The following KCNE1 variants were observed in gnomAD, a reference collection of about 807,000 sequenced individuals.
KCNE1 encodes the protein potassium voltage-gated channel subfamily E member 1.
KCNE1 carries 1 observed loss-of-function variant against 2.9 expected under a neutral mutation model. The ratio of observed to expected loss-of-function variants is 0.34; its 90% CI spans 0.12 to 1.62. The LOEUF (loss-of-function observed/expected upper bound fraction) is 1.62. Among genes scored for constraint, KCNE1 ranks in the 40% most tolerant of loss-of-function variants. The pLI is 0.36. For missense variants in KCNE1, 45 were observed against 150.5 expected (o/e 0.30, Z 3.67); for synonymous variants, 23 against 65.4 (o/e 0.35, Z 3.13).
rs560310795 is a variant in KCNE1, at chr21:34,507,291, C to T, written c.-162+3810G>A. ...GCCAGGACTTGAGAGTGGCTGAAGT[C>T]GGGTACAGGGAGACAGGAGACACCT... On this transcript the variant is annotated intron_variant, in intron 2 of 3. Coordinates refer to ENST00000399286, the MANE Select transcript of KCNE1 (RefSeq NM_000219.6). 1.8e-4 allele frequency among the ~76,000 whole-genome samples: 27 copies of T among 152,048 alleles called. No individual in the cohort carries two copies. In the South Asian group the frequency reaches 5.6e-3, roughly 32 times the overall value.
At chr21:34,499,439 A>T (rs1983028130) in intron 2 of KCNE1, among the ~76,000 whole-genome samples, 1 of 152,044 alleles carries the variant, frequency 6.6e-6, no homozygotes, top group Admixed American at 6.6e-5. Context: ...TGTTCAAGAG[A>T]ATTTGCACCC....
chr21:34,507,767 G>A (rs578242645), intron 2 of KCNE1, among the ~76,000 whole-genome samples: 25 of 152,272 alleles, frequency 1.6e-4, no homozygotes, highest in South Asian at 1.0e-3. Flanking sequence ...CTTAGCAACC[G>A]TGGCATGCTT....
intron 2 of KCNE1, among the ~76,000 whole-genome samples, chr21:34,501,836 G>A (rs1983187740): frequency 6.6e-6 from 1 of 152,192 alleles, no homozygotes. Flanking sequence ...CAGGACTTCT[G>A]CAGGTTAAAG....
chr21:34,504,621 T>C (rs1983371171), intron 2 of KCNE1, among the ~76,000 whole-genome samples: 1 of 152,232 alleles, frequency 6.6e-6, no homozygotes, highest in Admixed American at 6.5e-5. Flanking sequence ...CAAATGTGCA[T>C]AGCAGCATTA....
At chr21:34,505,475 C>G (rs1167469282) in intron 2 of KCNE1, among the ~76,000 whole-genome samples, 2 of 151,734 alleles carry the variant, frequency 1.3e-5, no homozygotes, top group Non-Finnish European at 2.9e-5. Context: ...AATGAGGGAG[C>G]AACACTTTGT....
In KCNE1 at chr21:34,449,636, CT is replaced by C. The variant is rs397515878; in HGVS notation, c.-3del. On this transcript the variant is annotated 5_prime_UTR_variant, in exon 4 of 4. Coordinates refer to ENST00000399286, the MANE Select transcript of KCNE1 (RefSeq NM_000219.6). ...CGCTGTGGTGTTAGACAGGATCATCCTGGGCATTAAGGTTCCACTGCTGCAG... is the reference window on the plus strand; with the variant it reads ...CGCTGTGGTGTTAGACAGGATCATCCGGGCATTAAGGTTCCACTGCTGCAG... 8.7e-5 allele frequency: 73 copies of C among 836,752 alleles called. 5 individuals are homozygous for C. The highest frequency in any genetic ancestry group is 2.7e-4 in the Admixed American group (12 of 43,868). The allele number at this position is 836,752 out of a possible 1,614,324, so 51.8% of individuals were successfully genotyped here. A position where few individuals can be genotyped will look rare whatever the true frequency, so the allele number is the denominator to read the frequency against.
intron 2 of KCNE1, among the ~76,000 whole-genome samples, chr21:34,504,424 G>A (rs368749503): frequency 6.6e-6 from 1 of 152,212 alleles, no homozygotes; most frequent in East Asian, 1.9e-4. Flanking sequence ...CTGAGAACAA[G>A]TATTGGGAGG....
rs1983642680 is a variant in KCNE1, at chr21:34,508,535, G to T, written c.-162+2566C>A. Among the ~76,000 whole-genome samples the T allele has an allele frequency of 2.0e-5, 3 of 152,090 alleles. 1 individual carries two copies. The highest frequency in any genetic ancestry group is 1.3e-4 in the Admixed American group (2 of 15,252). On this transcript the variant is annotated intron_variant, in intron 2 of 3. Coordinates refer to ENST00000399286, the MANE Select transcript of KCNE1 (RefSeq NM_000219.6). ...TTTTTGTATTTTTAGTACAGACGGG[G>T]TTTTGCCACATTGGCCAGGCTGGTC...
chr21:34,501,937 A>G (rs1168775269), intron 2 of KCNE1, among the ~76,000 whole-genome samples: 1 of 152,208 alleles, frequency 6.6e-6, no homozygotes, highest in Non-Finnish European at 1.5e-5. Flanking sequence ...TGCCCTGGGG[A>G]ATCACTAGAC....
chr21:34,498,040 G>GT (rs1171340826), intron 2 of KCNE1, among the ~76,000 whole-genome samples: 11 of 151,888 alleles, frequency 7.2e-5, no homozygotes, highest in African/African-American at 2.7e-4. Flanking sequence ...AATTATGACT[G>GT]TTTTTTCTTT....
intron 2 of KCNE1, among the ~76,000 whole-genome samples, chr21:34,498,381 G>T (rs1982935137): frequency 6.6e-6 from 1 of 152,210 alleles, no homozygotes; most frequent in East Asian, 1.9e-4. Context: ...ACATTCTTTT[G>T]TCCCACAGGT....
chr21:34,496,501 T>C (rs1329138009), intron 2 of KCNE1, among the ~76,000 whole-genome samples: 2 of 152,222 alleles, frequency 1.3e-5, no homozygotes, highest in African/African-American at 4.8e-5. Context: ...ATTTCCAGTT[T>C]TATTCCACAC....
At chr21:34,504,596 A>G (rs556885089) in intron 2 of KCNE1, among the ~76,000 whole-genome samples, 2 of 152,372 alleles carry the variant, frequency 1.3e-5, no homozygotes, top group East Asian at 3.9e-4. Context: ...ACATGTCCAC[A>G]TGGACACTTG....
At chr21:34,502,281 C>T (rs1328998751) in intron 2 of KCNE1, among the ~76,000 whole-genome samples, 1 of 152,164 alleles carries the variant, frequency 6.6e-6, no homozygotes, top group African/African-American at 2.4e-5. Context: ...CAATTCATCT[C>T]TATAACTAGT....
chr21:34,498,898 C>T (rs749172587), intron 2 of KCNE1, among the ~76,000 whole-genome samples: 8 of 152,120 alleles, frequency 5.3e-5, no homozygotes, highest in Non-Finnish European at 8.8e-5. Context: ...TAAGCTTGCC[C>T]GAATTTGGCC....
chr21:34,506,058 C>T (rs1015449229), intron 2 of KCNE1, among the ~76,000 whole-genome samples: 11 of 152,320 alleles, frequency 7.2e-5, no homozygotes, highest in African/African-American at 2.2e-4. Flanking sequence ...ATGTTAAATG[C>T]TCTACATTAG....
chr21:34,499,124 A>G (rs1255416765), intron 2 of KCNE1, among the ~76,000 whole-genome samples: 3 of 152,166 alleles, frequency 2.0e-5, no homozygotes, highest in Non-Finnish European at 4.4e-5. Flanking sequence ...GCTATGTTCC[A>G]AGGGGTATTA....
At chr21:34,500,466 A>G (rs1226781472) in intron 2 of KCNE1, among the ~76,000 whole-genome samples, 2 of 152,182 alleles carry the variant, frequency 1.3e-5, no homozygotes, top group Admixed American at 6.5e-5. Flanking sequence ...TGTGTGTACA[A>G]TTTTGGACTG....
chr21:34,499,233 T>C (rs1983008420), intron 2 of KCNE1, among the ~76,000 whole-genome samples: 1 of 152,212 alleles, frequency 6.6e-6, no homozygotes, highest in African/African-American at 2.4e-5. Flanking sequence ...ATCTTGCTCC[T>C]TCTGTATCCC....
Sources: allele counts gnomAD v4.1 joint callset (sites outside exome capture counted in the v4.1 genomes callset), GRCh38; gene constraint gnomAD v4.1.1; transcripts MANE v1.5; gene names NCBI Gene and HGNC (gene_info 2026-07-23, HGNC 2026-07-21).